The following RANBP2 variants were observed in gnomAD, a reference collection of about 807,000 sequenced individuals.
RANBP2 encodes the protein RAN binding protein 2, also known as E3 SUMO-protein ligase RanBP2.
In RANBP2, 57 loss-of-function variants were observed where a neutral mutation model predicts 303.6. The ratio of observed to expected loss-of-function variants is 0.19; its 90% CI spans 0.15 to 0.23. The LOEUF (loss-of-function observed/expected upper bound fraction) is 0.23. Among genes scored for constraint, RANBP2 ranks in the 10% least tolerant of loss-of-function variants. The pLI is 1.00. For synonymous variants in RANBP2, 1,167 were observed against 1,301.5 expected (o/e 0.90, Z 2.23); for missense variants, 3,138 against 3,780.8 (o/e 0.83, Z 4.46).
At chr2:109,659,185 T>C in the RANBP2 span, among the ~76,000 whole-genome samples, 4 of 152,074 alleles carry the variant, frequency 2.6e-5, no homozygotes, top group African/African-American at 9.7e-5. Flanking sequence ...GAGACCAGCA[T>C]GGCCAACACG....
At chr2:109,195,418 G>T in the RANBP2 span, among the ~76,000 whole-genome samples, 4 of 152,262 alleles carry the variant, frequency 2.6e-5, no homozygotes, top group African/African-American at 9.6e-5. Context: ...GCGGACACCA[G>T]CGTCTGCCAC....
chr2:109,585,735 T>G, the RANBP2 span: 36 of 1,612,464 alleles, frequency 2.2e-5, no homozygotes, highest in Non-Finnish European at 2.8e-5. Flanking sequence ...ACAGAGAATA[T>G]TAAAGCAGAA....
the RANBP2 span, among the ~76,000 whole-genome samples, chr2:108,925,394 C>T: frequency 6.6e-4 from 101 of 152,334 alleles, no homozygotes; most frequent in South Asian, 1.0e-3. Flanking sequence ...CAAGGCTACA[C>T]GGCGGATGCA....
the RANBP2 span, among the ~76,000 whole-genome samples, chr2:109,711,215 G>A: frequency 8.6e-5 from 13 of 152,016 alleles, no homozygotes; most frequent in Non-Finnish European, 1.9e-4. Context: ...CAGCAGCTCC[G>A]TCCCTATGCC....
At chr2:109,426,044 C>T in the RANBP2 span, among the ~76,000 whole-genome samples, 1 of 152,162 alleles carries the variant, frequency 6.6e-6, no homozygotes, top group Admixed American at 6.5e-5. Flanking sequence ...ATTACAGGCG[C>T]ATGCCACCAC....
the RANBP2 span, chr2:109,432,534 G>C: frequency 6.2e-7 from 1 of 1,613,730 alleles, no homozygotes; most frequent in Non-Finnish European, 8.5e-7. Context: ...AGCCCCAGAA[G>C]AGTGACGAGC....
downstream of RANBP2, among the ~76,000 whole-genome samples, chr2:108,789,927 G>A (rs1679621928): frequency 6.6e-6 from 1 of 152,156 alleles, no homozygotes; most frequent in Non-Finnish European, 1.5e-5. Flanking sequence ...GAAGGAGTAA[G>A]CATTTTGAAA....
chr2:109,398,589 G>C, the RANBP2 span: 1 of 1,554,546 alleles, frequency 6.4e-7, no homozygotes, highest in Non-Finnish European at 8.7e-7. Flanking sequence ...TTCTCACTCA[G>C]CTCAATGACT....
the RANBP2 span, among the ~76,000 whole-genome samples, chr2:109,416,820 C>T: frequency 4.6e-5 from 7 of 151,348 alleles, 2 homozygotes; most frequent in South Asian, 2.1e-4. Context: ...TCGGGAGAAT[C>T]GCCTGAGCCC....
the RANBP2 span, among the ~76,000 whole-genome samples, chr2:108,900,697 T>C: frequency 7.2e-5 from 11 of 152,226 alleles, no homozygotes; most frequent in South Asian, 2.1e-3. Flanking sequence ...GAGAGAGGCG[T>C]TGGAAGTAAA....
At chr2:108,996,239 AG>A in the RANBP2 span, among the ~76,000 whole-genome samples, 2 of 152,178 alleles carry the variant, frequency 1.3e-5, no homozygotes, top group Non-Finnish European at 2.9e-5. Flanking sequence ...TTTGAACCCC[AG>A]GAAGGTCTGA....
chr2:108,908,097 G>C, the RANBP2 span: 1 of 1,475,648 alleles, frequency 6.8e-7, no homozygotes, highest in Admixed American at 2.2e-5. Flanking sequence ...TGGTGAACTT[G>C]TCCATTGCCC....
the RANBP2 span, among the ~76,000 whole-genome samples, chr2:109,461,292 C>G: frequency 6.6e-6 from 1 of 152,222 alleles, no homozygotes; most frequent in Admixed American, 6.5e-5. Context: ...TAGTCTCTAC[C>G]AAGGCCCAGT....
At chr2:108,860,285 A>G in the RANBP2 span, among the ~76,000 whole-genome samples, 1 of 152,168 alleles carries the variant, frequency 6.6e-6, no homozygotes, top group African/African-American at 2.4e-5. Flanking sequence ...TCCTATTGTC[A>G]GTGAACAGAG....
chr2:108,909,558 A>T, the RANBP2 span, among the ~76,000 whole-genome samples: 1 of 152,252 alleles, frequency 6.6e-6, no homozygotes, highest in East Asian at 1.9e-4. Flanking sequence ...CAAGGGAGGC[A>T]CTGTTGCGGG....
rs774083644 is a variant in RANBP2 at position 108,775,954 on chromosome 2, T to C, written c.8497+18T>C. On this transcript the variant is annotated intron_variant, in intron 24 of 28. Coordinates refer to ENST00000283195, the MANE Select transcript of RANBP2 (RefSeq NM_006267.5). ...AAGCCAAGGTAAATCTTGATATATG[T>C]TTATCATGTGTTACATAAGGGACAC... The C allele has an allele frequency of 2.7e-5, 43 of 1,591,642 alleles. No individual in the cohort carries two copies. The highest frequency in any genetic ancestry group is 3.4e-5 in the Non-Finnish European group (40 of 1,168,998).
the RANBP2 span, among the ~76,000 whole-genome samples, chr2:109,101,630 A>G: frequency 6.6e-6 from 1 of 152,244 alleles, no homozygotes; most frequent in East Asian, 1.9e-4. Context: ...GCATAACACA[A>G]TGTTACAAAG....
the RANBP2 span, among the ~76,000 whole-genome samples, chr2:109,085,795 G>A: frequency 6.6e-6 from 1 of 151,470 alleles, no homozygotes; most frequent in Non-Finnish European, 1.5e-5. Context: ...AGTAGAGACA[G>A]AGTTTCACCA....
the RANBP2 span, among the ~76,000 whole-genome samples, chr2:109,111,369 C>T: frequency 6.6e-6 from 1 of 152,138 alleles, no homozygotes; most frequent in Non-Finnish European, 1.5e-5. Context: ...ACCCATTGCA[C>T]TACTGAGCAT....
Sources: gnomAD v4.1 joint callset for allele counts (sites outside exome capture counted in the v4.1 genomes callset) on GRCh38, gnomAD v4.1.1 for gene constraint, MANE v1.5 for transcripts, NCBI Gene and HGNC (gene_info 2026-07-23, HGNC 2026-07-21) for gene names.